Variants in LUZP2 observed in about 807,000 individuals in gnomAD.
The protein encoded by LUZP2 is leucine zipper protein 2.
Under a neutral mutation model 51.6 loss-of-function variants are expected in LUZP2, and 52 were observed. The observed-to-expected ratio is 1.01, with a 90% CI of 0.81 to 1.27. The LOEUF is 1.27. Among genes scored for constraint, LUZP2 ranks in the 50% most tolerant of loss-of-function variants. The probability of loss-of-function intolerance (pLI) is 0.00; values close to 1 mark genes in which losing one functional copy is unlikely to be tolerated. For synonymous variants in LUZP2, 154 were observed against 137.3 expected (o/e 1.12, Z -0.85); for missense variants, 436 against 395.4 (o/e 1.10, Z -0.87).
chr11:24,821,569 TA>T (rs1850359037), intron 5 of LUZP2, among the ~76,000 whole-genome samples: 1 of 152,134 alleles, frequency 6.6e-6, no homozygotes, highest in South Asian at 2.1e-4. Flanking sequence ...TGCTGTTAAG[TA>T]AGATTCATGT....
intron 1 of LUZP2, among the ~76,000 whole-genome samples, chr11:24,691,930 T>A (rs1163424226): frequency 6.6e-6 from 1 of 151,970 alleles, no homozygotes; most frequent in Non-Finnish European, 1.5e-5. Context: ...ATTTAGTAGA[T>A]TCATGACAGA....
intron 9 of LUZP2, among the ~76,000 whole-genome samples, chr11:25,040,177 C>T (rs1195446457): frequency 6.6e-6 from 1 of 151,982 alleles, no homozygotes; most frequent in Non-Finnish European, 1.5e-5. Flanking sequence ...CATTTGCATG[C>T]TCCAAACAGA....
intron 1 of LUZP2, among the ~76,000 whole-genome samples, chr11:24,642,102 A>G (rs1233083444): frequency 2.6e-5 from 4 of 151,638 alleles, no homozygotes; most frequent in Admixed American, 6.6e-5. Flanking sequence ...GTTGGTCAGG[A>G]TGGTCTCGAT....
chr11:24,926,395 G>A (rs867023729), intron 7 of LUZP2, among the ~76,000 whole-genome samples: 7 of 70,054 alleles, frequency 1.0e-4, no homozygotes, highest in Admixed American at 7.9e-4. Flanking sequence ...ATATACGTGT[G>A]TATATATATA....
intron 1 of LUZP2, among the ~76,000 whole-genome samples, chr11:24,661,064 A>G (rs1490850152): frequency 1.3e-5 from 2 of 152,204 alleles, no homozygotes; most frequent in African/African-American, 2.4e-5. Context: ...TGAAAGAAGT[A>G]TATGACCTTT....
chr11:24,532,476 G>A (rs1410629892), intron 1 of LUZP2, among the ~76,000 whole-genome samples: 2 of 150,962 alleles, frequency 1.3e-5, no homozygotes, highest in African/African-American at 4.8e-5. Flanking sequence ...CCAGTGAGAT[G>A]CTATGATCCT....
At chr11:24,940,296 T>C (rs1298440186) in intron 7 of LUZP2, among the ~76,000 whole-genome samples, 1 of 152,102 alleles carries the variant, frequency 6.6e-6, no homozygotes, top group African/African-American at 2.4e-5. Context: ...AAAAGTAGAC[T>C]CACATATTCA....
At chr11:24,781,933 A>G (rs1176482175) in intron 5 of LUZP2, among the ~76,000 whole-genome samples, 1 of 152,066 alleles carries the variant, frequency 6.6e-6, no homozygotes, top group African/African-American at 2.4e-5. Flanking sequence ...GAGTCTAACA[A>G]GTTCCCAAGT....
At chr11:24,930,561 C>T (rs956389297) in intron 7 of LUZP2, among the ~76,000 whole-genome samples, 4 of 152,128 alleles carry the variant, frequency 2.6e-5, no homozygotes, top group Non-Finnish European at 4.4e-5. Flanking sequence ...CCCAATCCCT[C>T]CTAGGTTGTA....
chr11:24,936,161 A>G (rs1269927271), intron 7 of LUZP2, among the ~76,000 whole-genome samples: 3 of 152,150 alleles, frequency 2.0e-5, no homozygotes, highest in Non-Finnish European at 2.9e-5. Flanking sequence ...AATTTTTTAA[A>G]AGTTCACAAA....
At chr11:24,569,521 C>A (rs10834387) in intron 1 of LUZP2, among the ~76,000 whole-genome samples, 52,743 of 151,752 alleles carry the variant, frequency 0.35, 9,677 homozygotes, top group East Asian at 0.58. Flanking sequence ...TGTTGAATAG[C>A]AAACTTATAT....
chr11:24,528,918 T>C (rs115701221), intron 1 of LUZP2, among the ~76,000 whole-genome samples: 1 of 151,308 alleles, frequency 6.6e-6, no homozygotes, highest in African/African-American at 2.4e-5. Context: ...TTGAGTTTAG[T>C]ATTATACACA....
intron 4 of LUZP2, among the ~76,000 whole-genome samples, chr11:24,757,324 T>A (rs183289415): frequency 6.6e-6 from 1 of 152,338 alleles, no homozygotes; most frequent in Admixed American, 6.5e-5. Flanking sequence ...TATTAAACTC[T>A]ATTTTAATAA....
At chr11:24,580,344 G>T (rs1164325242) in intron 1 of LUZP2, among the ~76,000 whole-genome samples, 1 of 152,058 alleles carries the variant, frequency 6.6e-6, no homozygotes, top group African/African-American at 2.4e-5. Flanking sequence ...AAATAAAACA[G>T]CTGTGTATCA....
At chr11:25,012,485 T>C (rs143293974) in intron 9 of LUZP2, among the ~76,000 whole-genome samples, 78 of 152,306 alleles carry the variant, frequency 5.1e-4, no homozygotes, top group Middle Eastern at 3.4e-3. Context: ...TACTTCCTTC[T>C]TTGCCCTTCT....
At chr11:24,613,964 CT>C in intron 1 of LUZP2, among the ~76,000 whole-genome samples, 1 of 152,066 alleles carries the variant, frequency 6.6e-6, no homozygotes. Context: ...ACCGCCAACT[CT>C]TTGGTGTGTG....
chr11:24,600,215 A>G (rs72880608), intron 1 of LUZP2, among the ~76,000 whole-genome samples: 44,889 of 145,468 alleles, frequency 0.31, 7,064 homozygotes, highest in African/African-American at 0.39. Flanking sequence ...ACACACACAC[A>G]CACGCACAAT....
At chr11:24,827,088 ATAGT>A (rs1850566061) in intron 5 of LUZP2, among the ~76,000 whole-genome samples, 1 of 65,138 alleles carries the variant, frequency 1.5e-5, no homozygotes, top group Non-Finnish European at 4.3e-5. Flanking sequence ...AAAGAAATAC[ATAGT>A]GTGGGTTTTG....
intron 1 of LUZP2, among the ~76,000 whole-genome samples, chr11:24,676,070 C>T (rs966812457): frequency 6.6e-6 from 1 of 152,084 alleles, no homozygotes; most frequent in Non-Finnish European, 1.5e-5. Context: ...CTGCCCACCT[C>T]AGCCTCCCAA....
Sources: allele counts gnomAD v4.1 joint callset (sites outside exome capture counted in the v4.1 genomes callset), GRCh38; gene constraint gnomAD v4.1.1; transcripts MANE v1.5; gene names NCBI Gene and HGNC (gene_info 2026-07-23, HGNC 2026-07-21).